The following RGS6 variants were observed in gnomAD, a reference collection of about 807,000 sequenced individuals.
The protein encoded by RGS6 is regulator of G-protein signaling 6.
In RGS6, 30 loss-of-function variants were observed where a neutral mutation model predicts 78.5. The ratio of observed to expected loss-of-function variants is 0.38; its 90% confidence interval spans 0.29 to 0.52. The LOEUF is 0.52. Ranked by LOEUF, RGS6 falls within the 20% of genes least tolerant of loss-of-function variation. The pLI, the probability that RGS6 is intolerant of heterozygous loss-of-function variation, is 0.85. For missense variants in RGS6, 495 were observed against 609.7 expected (o/e 0.81, Z 1.98); for synonymous variants, 206 against 206.0 (o/e 1.00, Z 0.00).
At chr14:72,238,824 A>G (rs919584088) in intron 2 of RGS6, among the ~76,000 whole-genome samples, 1 of 152,154 alleles carries the variant, frequency 6.6e-6, no homozygotes, top group Admixed American at 6.5e-5. Context: ...TTTATTAACA[A>G]GGAGATTCAT....
intron 2 of RGS6, among the ~76,000 whole-genome samples, chr14:72,110,394 A>G (rs1278748618): frequency 6.6e-6 from 1 of 152,220 alleles, no homozygotes; most frequent in Non-Finnish European, 1.5e-5. Flanking sequence ...TGTGGGCACC[A>G]TGGTCTGGGT....
intron 2 of RGS6, among the ~76,000 whole-genome samples, chr14:72,333,871 A>C (rs1009416703): frequency 1.3e-5 from 2 of 152,182 alleles, no homozygotes; most frequent in African/African-American, 4.8e-5. Flanking sequence ...TAACAGGTAC[A>C]CACATACGCA....
At chr14:72,308,737 A>G (rs567028000) in intron 2 of RGS6, among the ~76,000 whole-genome samples, 2 of 152,322 alleles carry the variant, frequency 1.3e-5, no homozygotes, top group Admixed American at 6.5e-5. Context: ...CAAAATATAC[A>G]TGTATTCCTA....
chr14:72,527,977 G>T (rs2097138896), intron 15 of RGS6, among the ~76,000 whole-genome samples: 3 of 152,170 alleles, frequency 2.0e-5, no homozygotes, highest in Admixed American at 2.0e-4. Context: ...GCTCCAGCTG[G>T]GTGGTTCTCC....
At chr14:72,390,701 A>C (rs2089740141) in intron 3 of RGS6, among the ~76,000 whole-genome samples, 2 of 152,196 alleles carry the variant, frequency 1.3e-5, no homozygotes, top group Non-Finnish European at 1.5e-5. Context: ...GAAAGGGTAA[A>C]CCTTAGAATC....
At chr14:71,933,361 C>G (rs1364285438) in intron 1 of RGS6, 1 of 152,014 alleles carries the variant, frequency 6.6e-6, no homozygotes, top group Non-Finnish European at 1.5e-5. Flanking sequence ...ACAAGCTCGC[C>G]CATTTGTGGT....
the RGS6 span, among the ~76,000 whole-genome samples, chr14:72,583,137 C>T: frequency 6.6e-6 from 1 of 152,106 alleles, no homozygotes; most frequent in Non-Finnish European, 1.5e-5. Context: ...CCAGCAGTCC[C>T]CCGGGTCTCA....
chr14:72,609,992 A>C, the RGS6 span, among the ~76,000 whole-genome samples: 1 of 152,224 alleles, frequency 6.6e-6, no homozygotes, highest in Admixed American at 6.5e-5. Context: ...ACCCTCTTTC[A>C]TAGGCATTTC....
chr14:72,076,025 C>T (rs1211600592), intron 2 of RGS6, among the ~76,000 whole-genome samples: 1 of 152,226 alleles, frequency 6.6e-6, no homozygotes, highest in African/African-American at 2.4e-5. Context: ...GACAATAAAA[C>T]CCTCCCAAAC....
chr14:72,464,101 G>T (rs1352046757), intron 6 of RGS6, among the ~76,000 whole-genome samples: 1 of 152,140 alleles, frequency 6.6e-6, no homozygotes, highest in Non-Finnish European at 1.5e-5. Context: ...TCTTTAAAGT[G>T]CATCAAGAAT....
intron 2 of RGS6, among the ~76,000 whole-genome samples, chr14:72,265,120 C>T (rs951919301): frequency 6.6e-6 from 1 of 152,176 alleles, no homozygotes; most frequent in Non-Finnish European, 1.5e-5. Context: ...TGGAAATACT[C>T]AGTATGAAGA....
chr14:72,219,335 A>G (rs796548013), intron 2 of RGS6, among the ~76,000 whole-genome samples: 6 of 152,274 alleles, frequency 3.9e-5, no homozygotes, highest in African/African-American at 1.2e-4. Flanking sequence ...TACAGAATCC[A>G]CAAATAATAA....
the RGS6 span, chr14:72,619,862 G>A: frequency 9.2e-5 from 137 of 1,491,934 alleles, no homozygotes; most frequent in Non-Finnish European, 1.1e-4. Flanking sequence ...AGTAGTAGTA[G>A]TATCTGTTGC....
chr14:72,389,669 T>G (rs2089397624), intron 3 of RGS6, among the ~76,000 whole-genome samples: 1 of 152,186 alleles, frequency 6.6e-6, no homozygotes, highest in Non-Finnish European at 1.5e-5. Flanking sequence ...GCAGTACCAT[T>G]GTTTACCTCC....
At chr14:72,252,219 C>A (rs1443272584) in intron 2 of RGS6, among the ~76,000 whole-genome samples, 1 of 150,018 alleles carries the variant, frequency 6.7e-6, no homozygotes, top group Non-Finnish European at 1.5e-5. Flanking sequence ...GCCCGCCATT[C>A]TTTGTCAAAT....
intron 2 of RGS6, among the ~76,000 whole-genome samples, chr14:72,264,881 T>G (rs955964422): frequency 6.6e-5 from 10 of 152,180 alleles, no homozygotes; most frequent in Non-Finnish European, 1.3e-4. Context: ...CTTTGATGTA[T>G]TTCAACATAC....
At chr14:72,249,773 A>G (rs761610995) in intron 2 of RGS6, among the ~76,000 whole-genome samples, 9 of 152,208 alleles carry the variant, frequency 5.9e-5, no homozygotes, top group Non-Finnish European at 1.2e-4. Flanking sequence ...AAAAAGTACT[A>G]TAAAGACACA....
chr14:72,376,850 A>T (rs1476590354), intron 3 of RGS6, among the ~76,000 whole-genome samples: 1 of 152,214 alleles, frequency 6.6e-6, no homozygotes, highest in African/African-American at 2.4e-5. Flanking sequence ...TACATCTAGA[A>T]GCGAAAAGAC....
At chr14:72,233,719 T>C (rs1334301120) in intron 2 of RGS6, among the ~76,000 whole-genome samples, 1 of 152,122 alleles carries the variant, frequency 6.6e-6, no homozygotes, top group Admixed American at 6.5e-5. Context: ...CCTGCCATGG[T>C]TTCACAATTA....
Sources: gnomAD v4.1 joint callset for allele counts (sites outside exome capture counted in the v4.1 genomes callset) on GRCh38, gnomAD v4.1.1 for gene constraint, MANE v1.5 for transcripts, NCBI Gene and HGNC (gene_info 2026-07-23, HGNC 2026-07-21) for gene names.